ASAP3: variants seen among roughly 807,000 people sequenced by gnomAD.
The protein encoded by ASAP3 is arf-GAP with SH3 domain, ANK repeat and PH domain-containing protein 3.
ASAP3 carries 85 observed loss-of-function variants against 118.2 expected under a neutral mutation model. That is an observed-to-expected ratio of 0.72 (90% CI 0.60 to 0.86). The LOEUF (loss-of-function observed/expected upper bound fraction) is 0.86, where lower values mean the gene tolerates loss of function less well. Ranked by LOEUF, ASAP3 falls within the 40% of genes least tolerant of loss-of-function variation. The probability of loss-of-function intolerance (pLI) is 0.00; values close to 1 mark genes in which losing one functional copy is unlikely to be tolerated. For missense variants in ASAP3, 1,026 were observed against 1,175.0 expected, an observed-to-expected ratio of 0.87 and a Z score of 1.85; for synonymous variants, 432 against 477.4, an observed-to-expected ratio of 0.90 and a Z score of 1.24.
intron 1 of ASAP3, among the ~76,000 whole-genome samples, chr1:23,482,784 T>C (rs962061009): frequency 4.6e-5 from 7 of 151,360 alleles, no homozygotes; most frequent in Non-Finnish European, 7.4e-5. Flanking sequence ...CCGTCTCTAC[T>C]AAAAATACAA....
chr1:23,471,194 C>T (rs1025881894), intron 1 of ASAP3, among the ~76,000 whole-genome samples: 2 of 152,212 alleles, frequency 1.3e-5, no homozygotes, highest in South Asian at 4.1e-4. Flanking sequence ...TGTTTCCAGC[C>T]ATCAGACCTT....
rs1640363241 is a variant in ASAP3, at chr1:23,429,912, C to G, written c.2656G>C (p.Asp886His). ...GGGAGACTCCCAGTCCTTGAGCCAT[C>G]TCCTTCAGTGATGCCAACCTGCAGA... Reference protein sequence around the residue: ...RNVPVGITEGDGSRTGSLPAS... With the variant: ...RNVPVGITEGHGSRTGSLPAS... The change falls in exon 25 of 25, where the codon GAT becomes CAT. Residue 886 changes from aspartate (D) to histidine (H), a missense_variant. Asp to His is a moderately conservative substitution (Grantham distance 81). Transcript: ENST00000336689. 1 of 1,613,878 alleles carries G rather than the reference C, an allele frequency of 6.2e-7. No individual in the cohort carries two copies. The highest frequency in any genetic ancestry group is 8.5e-7 in the Non-Finnish European group (1 of 1,179,970).
intron 1 of ASAP3, among the ~76,000 whole-genome samples, chr1:23,463,239 A>G (rs1240591506): frequency 6.6e-6 from 1 of 152,230 alleles, no homozygotes; most frequent in Non-Finnish European, 1.5e-5. Flanking sequence ...GCCCATAGGG[A>G]GCATGAAAAG....
chr1:23,480,807 A>G (rs1195850118), intron 1 of ASAP3, among the ~76,000 whole-genome samples: 1 of 152,182 alleles, frequency 6.6e-6, no homozygotes, highest in Admixed American at 6.5e-5. Context: ...GTGAATATCA[A>G]TGAGATGATG....
rs202004624 is a variant in ASAP3, at chr1:23,436,026, C to G, written c.1574G>C (p.Gly525Ala). ...GGCCATAATGTAGTCCCTGCGGGTG[C>G]CCCTACCAAAAACAACCACAGGATC... ...GPKPSAESDM[G>A]TRRDYIMAKY... Residue 525 changes from glycine to alanine, a missense_variant and splice_region_variant, in exon 17 of 25, where the codon GGC (glycine) becomes GCC (alanine). Physicochemically the swap from Gly to Ala is moderately conservative, Grantham distance 60 (BLOSUM62 0). Coordinates refer to ENST00000336689, the MANE Select transcript of ASAP3 (RefSeq NM_017707.4). This position sits in a 1 kb window ranked among gnomAD's most constrained non-coding sequence, Gnocchi z 4.2. 2.7e-5 allele frequency: 43 copies of G among 1,613,840 alleles called. No homozygotes were observed. The highest frequency in any genetic ancestry group is 3.6e-5 in the Non-Finnish European group (42 of 1,179,836).
At position 23,459,170 on chromosome 1, in the gene ASAP3, CAAAAA is replaced by C. The variant is rs59149141; in HGVS notation, c.130-2981_130-2977del. Reference sequence around the variant, plus strand: ...GCACAATGGGAGCGAGACTCCATCTCAAAAAAAAAAAAAAAAAAAAAAGATATGAA... The same window carrying C: ...GCACAATGGGAGCGAGACTCCATCTCAAAAAAAAAAAAAAAAAGATATGAA... On this transcript the variant is annotated intron_variant, in intron 1 of 24. Transcript: ENST00000336689. Among the ~76,000 whole-genome samples, 3 of 68,312 alleles carry C rather than the reference CAAAAA, an allele frequency of 4.4e-5. No homozygotes were observed. In the Admixed American group the frequency reaches 6.0e-4, roughly 14 times the overall value. The allele number at this position is 68,312 out of a possible 152,430, so 44.8% of individuals were successfully genotyped here. A position where few individuals can be genotyped will look rare whatever the true frequency, so the allele number is the denominator to read the frequency against.
chr1:23,442,705 C>A (rs1640917389), intron 5 of ASAP3, 93 bp from the exon 6 acceptor site: 1 of 1,517,066 alleles, frequency 6.6e-7, no homozygotes, highest in Admixed American at 2.1e-5. Flanking sequence ...CCACATGGTG[C>A]AGGAGGCCCT....
In ASAP3 at chr1:23,439,288, G is replaced by T. The variant is rs1252552606; in HGVS notation, c.945-58C>A. The T allele has an allele frequency of 3.9e-6, 6 of 1,551,314 alleles. No individual in the cohort carries two copies. The South Asian group carries it at 5.6e-5, about 15-fold the overall frequency. On this transcript the variant is annotated intron_variant, in intron 10 of 24. Coordinates refer to ENST00000336689, the MANE Select transcript of ASAP3 (RefSeq NM_017707.4). ...CAAGGCTCACACCTAGTTCGCAGGT[G>T]TCAGAGAACAGAAATTTGCCCCCAC...
At chr1:23,453,793 G>A (rs574345111) in intron 3 of ASAP3, among the ~76,000 whole-genome samples, 1 of 152,184 alleles carries the variant, frequency 6.6e-6, no homozygotes, top group Admixed American at 6.5e-5. Flanking sequence ...CAGCTGCTGG[G>A]TCCTTGAGTT....
In ASAP3 at chr1:23,473,974, C is replaced by CTTTTTTTTTTTTTTTTTTTTTTT. The variant is rs10664798; in HGVS notation, c.129+10008_129+10030dup. On this transcript the variant is annotated intron_variant, in intron 1 of 24. Transcript: ENST00000336689. ...AGGCGAAAATGGCATTAAATCTGCT[C>CTTTTTTTTTTTTTTTTTTTTTTT]TTTTTTTTTTTTTTTTTTTTTTTTG... Among the ~76,000 whole-genome samples the CTTTTTTTTTTTTTTTTTTTTTTT allele has an allele frequency of 1.4e-4, 10 of 72,108 alleles. 2 individuals carry two copies. The highest frequency in any genetic ancestry group is 6.8e-4 in the African/African-American group (10 of 14,716). The allele number at this position is 72,108 out of a possible 152,430, so 47.3% of individuals were successfully genotyped here.
At chr1:23,456,306 A>T in intron 1 of ASAP3, 112 bp from the exon 2 acceptor site, 3 of 1,006,480 alleles carry the variant, frequency 3.0e-6, no homozygotes, top group Non-Finnish European at 4.4e-6. Flanking sequence ...AAACAAATAC[A>T]TTGAGTTTTG....
chr1:23,460,089 T>C (rs1054009521), intron 1 of ASAP3, among the ~76,000 whole-genome samples: 5 of 152,200 alleles, frequency 3.3e-5, no homozygotes, highest in African/African-American at 1.2e-4. Context: ...TGACTATGTA[T>C]AGCTTTTTAC....
At position 23,442,474 on chromosome 1, in the gene ASAP3, C is replaced by A. The variant is rs766593455; in HGVS notation, c.585+27G>T. ...GACAGGAAGACACATCCCACGCCCC[C>A]CCTCCCTCATCCAGAGCACCCCTTA... On this transcript the variant is annotated intron_variant, in intron 6 of 24. Transcript: ENST00000336689. 8.1e-6 allele frequency: 13 copies of A among 1,607,916 alleles called. No homozygotes were observed. The Admixed American group carries it at 1.3e-4, about 17-fold the overall frequency.
intron 22 of ASAP3, among the ~76,000 whole-genome samples, chr1:23,432,221 G>T (rs1290150005): frequency 6.6e-6 from 1 of 152,010 alleles, no homozygotes; most frequent in Admixed American, 6.5e-5. Flanking sequence ...TGGCTGGGCT[G>T]GTCTCAAAAT....
Position 23,437,120 on chromosome 1 carries a change from G to A in ASAP3, c.1342+10C>T, listed in dbSNP as rs569074524. 1.2e-5 allele frequency: 20 copies of A among 1,600,786 alleles called. No individual in the cohort carries two copies. In the East Asian group the frequency reaches 3.8e-4, roughly 31 times the overall value. On this transcript the variant is annotated intron_variant, in intron 14 of 24. Transcript: ENST00000336689. This position sits in a 1 kb window ranked among gnomAD's most constrained non-coding sequence, Gnocchi z 6.1. ...TAAGCCTCCCTCCTGCCCCGGCCCC[G>A]GGGACCGACCTGCAGCCCCGCAGTC...
At chr1:23,458,230 C>T (rs1000328262) in intron 1 of ASAP3, among the ~76,000 whole-genome samples, 21 of 152,156 alleles carry the variant, frequency 1.4e-4, no homozygotes, top group African/African-American at 5.1e-4. Flanking sequence ...CCTATAATCC[C>T]AGCACTTTGG....
chr1:23,463,623 A>G (rs181285110), intron 1 of ASAP3, among the ~76,000 whole-genome samples: 1 of 151,946 alleles, frequency 6.6e-6, no homozygotes, highest in Admixed American at 6.6e-5. Flanking sequence ...TATTTTTGAG[A>G]TGGAATCTCG....
intron 1 of ASAP3, among the ~76,000 whole-genome samples, chr1:23,465,699 G>A (rs1305933540): frequency 1.3e-5 from 2 of 151,932 alleles, no homozygotes; most frequent in South Asian, 2.1e-4. Context: ...ACAGGGTTTC[G>A]CCATCTTGAC....
At chr1:23,458,267 G>C (rs1383525756) in intron 1 of ASAP3, among the ~76,000 whole-genome samples, 1 of 152,296 alleles carries the variant, frequency 6.6e-6, no homozygotes, top group East Asian at 1.9e-4. Context: ...GATCACTTGA[G>C]GCCAGGAGTT....
Sources: gnomAD v4.1 joint callset for allele counts (sites outside exome capture counted in the v4.1 genomes callset) on GRCh38, gnomAD v4.1.1 for gene constraint, Gnocchi (gnomAD v3.1) non-coding constraint, MANE v1.5 for transcripts, NCBI Gene and HGNC (gene_info 2026-07-23, HGNC 2026-07-21) for gene names.